MTUS1: variants seen among roughly 807,000 people sequenced by gnomAD.
MTUS1 encodes microtubule associated scaffold protein 1, also known as microtubule-associated tumor suppressor 1.
In MTUS1, 109 loss-of-function variants were observed where a neutral mutation model predicts 120.8. The ratio of observed to expected loss-of-function variants is 0.90; its 90% CI spans 0.77 to 1.06. The LOEUF (loss-of-function observed/expected upper bound fraction) is 1.06. Ranked by LOEUF, MTUS1 falls within the 50% of genes least tolerant of loss-of-function variation. MTUS1 has a pLI of 0.00. For synonymous variants in MTUS1, 737 were observed against 550.5 expected (o/e 1.34, Z -4.74); for missense variants, 2,210 against 1,486.3 (o/e 1.49, Z -8.01).
At chr8:17,766,416 T>C (rs564045974) in intron 1 of MTUS1, among the ~76,000 whole-genome samples, 2 of 152,306 alleles carry the variant, frequency 1.3e-5, no homozygotes, top group East Asian at 3.9e-4. Flanking sequence ...CTACTCAACA[T>C]GGCTATCTTT....
chr8:17,683,744 CT>C (rs2130766127), intron 7 of MTUS1, among the ~76,000 whole-genome samples: 1 of 152,206 alleles, frequency 6.6e-6, no homozygotes, highest in East Asian at 1.9e-4. Context: ...TTGATATAAA[CT>C]TGGTTTTCTC....
At chr8:17,719,817 G>C (rs941142196) in intron 4 of MTUS1, among the ~76,000 whole-genome samples, 2 of 152,046 alleles carry the variant, frequency 1.3e-5, no homozygotes, top group African/African-American at 4.8e-5. Flanking sequence ...AAAAAACTAA[G>C]GGTAAATAAG....
rs759886310 is a variant in MTUS1, at chr8:17,755,310, A to C, written c.498T>G (p.Asp166Glu). 1.9e-6 allele frequency: 3 copies of C among 1,614,098 alleles called. No homozygotes were observed. In the African/African-American group the frequency reaches 4.0e-5, roughly 22 times the overall value. The change falls in exon 2 of 15, where the codon GAT becomes GAG. Residue 166 changes from aspartate to glutamate, a missense_variant. Asp to Glu is a conservative substitution (Grantham distance 45). Coordinates refer to ENST00000693296, the MANE Select transcript of MTUS1 (RefSeq NM_001363059.2). ...ELNQTFDMTV[D>E]KVNCTFISHH... ...GTGATATAAAGGTGCAGTTAACTTT[A>C]TCCACTGTCATGTCAAATGTTTGGT...
In MTUS1 at chr8:17,726,084, G is replaced by C. The variant is rs369453259; in HGVS notation, c.2288-2251C>G. Among the ~76,000 whole-genome samples, 3 of 152,068 alleles carry C rather than the reference G, an allele frequency of 2.0e-5. No individual in the cohort carries two copies. The East Asian group carries it at 5.8e-4, about 29-fold the overall frequency. ...TTCTTCTGCTTACGCCCATCCTTCC[G>C]ACTGAACGGCCTCCTTTCTATCCCC... On this transcript the variant is annotated intron_variant, in intron 3 of 14. Transcript: ENST00000693296.
rs757342636 is a variant in MTUS1, at chr8:17,754,358, T to C, written c.1450A>G (p.Ile484Val). 3 of 1,613,774 alleles carry C rather than the reference T, an allele frequency of 1.9e-6. No homozygotes were observed. Among genetic ancestry groups the C allele is most frequent in the South Asian group, 1.1e-5 (1 of 91,078 alleles). ...LCKPSLGKST[I>V]KTNTPIGCKV... ...CAGCCTATTGGGGTATTCGTTTTGA[T>C]TGTTGATTTTCCTAAACTGGGTTTA... is the stretch of plus-strand genomic sequence containing the variant. The change falls in exon 2 of 15, where the codon ATC (isoleucine) becomes GTC (valine). Residue 484 changes from isoleucine to valine, a missense_variant. Transcript: ENST00000693296.
chr8:17,753,742 G>A lies in MTUS1; in HGVS notation c.2066C>T (p.Thr689Ile). The change falls in exon 2 of 15, where the codon ACT becomes ATT. Residue 689 changes from threonine to isoleucine, a missense_variant. Physicochemically the swap from Thr to Ile is moderately conservative, Grantham distance 89 (BLOSUM62 -1). Coordinates refer to ENST00000693296, the MANE Select transcript of MTUS1 (RefSeq NM_001363059.2). Reference protein sequence around the residue: ...QELKQEIMNETFEYGSLFLGS... With the variant: ...QELKQEIMNEIFEYGSLFLGS... Reference sequence around the variant, plus strand: ...CAAAAACAGAGAACCATATTCAAAAGTCTCATTCATAATCTCTTGTTTCAG... The same window carrying A: ...CAAAAACAGAGAACCATATTCAAAAATCTCATTCATAATCTCTTGTTTCAG... 6.2e-7 allele frequency: 1 copy of A among 1,606,566 alleles called. No individual in the cohort carries two copies. The highest frequency in any genetic ancestry group is 1.3e-5 in the African/African-American group (1 of 74,384).
At chr8:17,657,322 A>C (rs1808542920) in intron 8 of MTUS1, among the ~76,000 whole-genome samples, 1 of 151,682 alleles carries the variant, frequency 6.6e-6, no homozygotes, top group Non-Finnish European at 1.5e-5. Flanking sequence ...TAATCCCAGC[A>C]CTTTGGGAGG....
intron 1 of MTUS1, among the ~76,000 whole-genome samples, chr8:17,767,533 TAAAA>T (rs71543699): frequency 7.1e-6 from 1 of 141,312 alleles, no homozygotes; most frequent in East Asian, 2.1e-4. Context: ...CCCATCTCTT[TAAAA>T]AAAAAAAAAA....
chr8:17,770,948 T>G (rs1420400307), intron 1 of MTUS1, among the ~76,000 whole-genome samples: 3 of 152,128 alleles, frequency 2.0e-5, no homozygotes, highest in African/African-American at 7.2e-5. Flanking sequence ...TGCTTCTGGA[T>G]TAAAGAAACT....
At chr8:17,789,527 A>G (rs1428965138) in intron 1 of MTUS1, among the ~76,000 whole-genome samples, 2 of 152,166 alleles carry the variant, frequency 1.3e-5, no homozygotes, top group African/African-American at 4.8e-5. Flanking sequence ...CTCTCTCTCC[A>G]AAGTCCACTT....
At chr8:17,749,036 C>T (rs574988960) in intron 2 of MTUS1, among the ~76,000 whole-genome samples, 3 of 152,090 alleles carry the variant, frequency 2.0e-5, no homozygotes, top group Non-Finnish European at 4.4e-5. Flanking sequence ...CTGAAGGGAC[C>T]ACTTCTCTCG....
chr8:17,658,487 G>C lies in MTUS1; in HGVS notation c.2906-2422C>G, dbSNP rs751255671. Among the ~76,000 whole-genome samples the C allele has an allele frequency of 3.2e-4, 48 of 152,110 alleles. 1 individual carries two copies. The highest frequency in any genetic ancestry group is 1.8e-4 in the Non-Finnish European group (12 of 68,026). ...TGAATTCCTTAGGAAGCCTGACTTT[G>C]GACATTCCCAGTCTTCTGTCACCGA... On this transcript the variant is annotated intron_variant, in intron 8 of 14. Coordinates refer to ENST00000693296, the MANE Select transcript of MTUS1 (RefSeq NM_001363059.2).
chr8:17,770,926 T>C (rs2049976958), intron 1 of MTUS1, among the ~76,000 whole-genome samples: 1 of 152,220 alleles, frequency 6.6e-6, no homozygotes, highest in African/African-American at 2.4e-5. Context: ...GCATTCACTG[T>C]GGCTGGGTGA....
At chr8:17,757,320 T>A (rs138651787) in intron 1 of MTUS1, among the ~76,000 whole-genome samples, 10 of 152,224 alleles carry the variant, frequency 6.6e-5, no homozygotes, top group African/African-American at 2.2e-4. Flanking sequence ...ACATACTATA[T>A]GACACTATTT....
chr8:17,656,148 G>GTGTGACTGTA, intron 8 of MTUS1, 83 bp from the exon 9 acceptor site: 3 of 1,212,740 alleles, frequency 2.5e-6, no homozygotes, highest in Non-Finnish European at 3.6e-6. Context: ...ACACAGCTGT[G>GTGTGACTGTA]ATGACACCTG....
intron 3 of MTUS1, among the ~76,000 whole-genome samples, chr8:17,740,617 A>C (rs1367494250): frequency 6.6e-6 from 1 of 152,218 alleles, no homozygotes; most frequent in African/African-American, 2.4e-5. Context: ...AGTTGCTATT[A>C]ATTTTTCTGT....
intron 6 of MTUS1, chr8:17,697,684 G>T: frequency 9.7e-7 from 1 of 1,028,684 alleles, no homozygotes; most frequent in Non-Finnish European, 1.2e-6. Context: ...TGCTTGTGGA[G>T]TTGTTATGGT....
At chr8:17,712,240 T>C (rs568137281) in intron 6 of MTUS1, among the ~76,000 whole-genome samples, 1 of 152,200 alleles carries the variant, frequency 6.6e-6, no homozygotes, top group East Asian at 1.9e-4. Context: ...TAATCTGCCA[T>C]GGATTTAGAA....
At chr8:17,693,382 T>A (rs1817334038) in intron 6 of MTUS1, 1 of 152,182 alleles carries the variant, frequency 6.6e-6, no homozygotes, top group Non-Finnish European at 1.5e-5. Flanking sequence ...AGAGGAAAGA[T>A]AACCTCGATC....
Sources: allele counts gnomAD v4.1 joint callset (sites outside exome capture counted in the v4.1 genomes callset), GRCh38; gene constraint gnomAD v4.1.1; transcripts MANE v1.5; gene names NCBI Gene and HGNC (gene_info 2026-07-23, HGNC 2026-07-21).